The following SOX5 variants were observed in gnomAD, a reference collection of about 807,000 sequenced individuals.
SOX5 encodes SRY-box transcription factor 5.
In SOX5, 9 loss-of-function variants were observed where a neutral mutation model predicts 92.0. The observed-to-expected ratio is 0.10, with a 90% CI of 0.06 to 0.17. The LOEUF (loss-of-function observed/expected upper bound fraction) is 0.17. SOX5 is among the 10% of genes least tolerant of loss of function. The pLI, the probability that SOX5 is intolerant of heterozygous loss-of-function variation, is 1.00. For missense variants in SOX5, 642 were observed against 944.5 expected (o/e 0.68, Z 4.20); for synonymous variants, 344 against 336.3 (o/e 1.02, Z -0.25).
rs115893917 is a variant in SOX5, at chr12:24,409,390, C to T, written c.-250-40751G>A. On this transcript the variant is annotated intron_variant, in intron 1 of 4. Coordinates refer to the SOX5 transcript ENST00000446891. Reference sequence around the variant, plus strand: ...AGGACAGGTCAATAGGTGTAGCAAACCACCACGGCACACATATACCTATGT... The same window carrying T: ...AGGACAGGTCAATAGGTGTAGCAAATCACCACGGCACACATATACCTATGT... 3.5e-3 allele frequency among the ~76,000 whole-genome samples: 531 copies of T among 152,232 alleles called. 2 individuals are homozygous for T. The highest frequency in any genetic ancestry group is 0.012 in the African/African-American group (505 of 41,526).
At chr12:23,629,299 T>G (rs894204382) in intron 8 of SOX5, among the ~76,000 whole-genome samples, 24 of 152,060 alleles carry the variant, frequency 1.6e-4, no homozygotes, top group Admixed American at 1.3e-3. Flanking sequence ...TCTCTTCCTA[T>G]CCTTTTAAAC....
At chr12:24,158,165 T>C (rs1293148555) in intron 4 of SOX5, among the ~76,000 whole-genome samples, 2 of 152,168 alleles carry the variant, frequency 1.3e-5, no homozygotes, top group East Asian at 3.9e-4. Flanking sequence ...ATGTAGGTCA[T>C]ACTAGCATTC....
chr12:23,872,575 A>G (rs1385654622), intron 2 of SOX5, among the ~76,000 whole-genome samples: 1 of 152,024 alleles, frequency 6.6e-6, no homozygotes, highest in Non-Finnish European at 1.5e-5. Context: ...CAGTAAAAAT[A>G]TAAAAAACTA....
At chr12:23,841,299 C>T (rs2096511554) in intron 3 of SOX5, among the ~76,000 whole-genome samples, 1 of 152,016 alleles carries the variant, frequency 6.6e-6, no homozygotes, top group Non-Finnish European at 1.5e-5. Context: ...AATAAACTGA[C>T]AATATCAAAT....
At chr12:24,435,844 A>G (rs1198024747) in intron 1 of SOX5, among the ~76,000 whole-genome samples, 1 of 152,200 alleles carries the variant, frequency 6.6e-6, no homozygotes, top group Non-Finnish European at 1.5e-5. Context: ...TTTCCCAACA[A>G]CATATACTCA....
chr12:24,298,519 G>A (rs1358958567), intron 2 of SOX5, among the ~76,000 whole-genome samples: 2 of 152,150 alleles, frequency 1.3e-5, no homozygotes, highest in Non-Finnish European at 1.5e-5. Context: ...CAATGGAGAT[G>A]AGTAATAGGG....
intron 2 of SOX5, among the ~76,000 whole-genome samples, chr12:24,359,567 G>T (rs1173328088): frequency 6.6e-6 from 1 of 152,208 alleles, no homozygotes; most frequent in Admixed American, 6.5e-5. Flanking sequence ...TTTGGGAAGA[G>T]ATCTGAATAA....
intron 4 of SOX5, among the ~76,000 whole-genome samples, chr12:24,122,024 A>G (rs550983938): frequency 6.6e-6 from 1 of 152,264 alleles, no homozygotes; most frequent in African/African-American, 2.4e-5. Flanking sequence ...CTGATGATTA[A>G]CAACAGAAAC....
chr12:24,440,985 A>G lies in SOX5; in HGVS notation c.-250-72346T>C, dbSNP rs373637877. On this transcript the variant is annotated intron_variant, in intron 1 of 4. Transcript: ENST00000446891. ...GGGTCACATCCCACAGTCAGGGTTC[A>G]TGCATTCTCCTCTTACCAAATAATC... Among the ~76,000 whole-genome samples the G allele has an allele frequency of 3.3e-5, 5 of 152,208 alleles. No individual in the cohort carries two copies. The East Asian group carries it at 9.6e-4, about 29-fold the overall frequency.
chr12:23,953,795 C>G (rs1013817857), upstream of SOX5, among the ~76,000 whole-genome samples: 1 of 151,878 alleles, frequency 6.6e-6, no homozygotes, highest in Non-Finnish European at 1.5e-5. Context: ...CAGAGATGAC[C>G]AAAGTGCAAC....
intron 1 of SOX5, among the ~76,000 whole-genome samples, chr12:24,438,417 AC>A (rs1293041825): frequency 6.6e-6 from 1 of 152,108 alleles, no homozygotes; most frequent in Non-Finnish European, 1.5e-5. Flanking sequence ...GTACCCCAGG[AC>A]TTAAAGTATA....
At chr12:23,574,344 C>A (rs1369146078) in intron 10 of SOX5, among the ~76,000 whole-genome samples, 1 of 152,102 alleles carries the variant, frequency 6.6e-6, no homozygotes, top group Non-Finnish European at 1.5e-5. Context: ...TAGATAGTTC[C>A]TTGTGCTGCA....
intron 4 of SOX5, among the ~76,000 whole-genome samples, chr12:23,995,171 C>A (rs568113903): frequency 2.0e-5 from 3 of 152,196 alleles, no homozygotes; most frequent in African/African-American, 4.8e-5. Flanking sequence ...AATTTGACAA[C>A]AATTAGTGTC....
rs1462217048 is a variant in SOX5, at chr12:23,617,878, G to GT, written c.1018-13346dup. Among the ~76,000 whole-genome samples the GT allele has an allele frequency of 2.0e-5, 3 of 152,174 alleles. No homozygotes were observed. The East Asian group carries it at 5.8e-4, about 29-fold the overall frequency. ...TCATGTAAGAACACCCCAACTGATA[G>GT]TTTCTCTTTCGCTCACTCCCTCCCT... On this transcript the variant is annotated intron_variant, in intron 8 of 14. Transcript: ENST00000451604.
At chr12:23,541,928 T>C (rs1402633205) in intron 13 of SOX5, among the ~76,000 whole-genome samples, 2 of 152,116 alleles carry the variant, frequency 1.3e-5, no homozygotes, top group Admixed American at 6.5e-5. Flanking sequence ...CTGGCCAAAA[T>C]GGTGAAACCC....
At chr12:24,219,947 G>A (rs139922417) in intron 3 of SOX5, among the ~76,000 whole-genome samples, 40 of 152,152 alleles carry the variant, frequency 2.6e-4, no homozygotes, top group African/African-American at 9.6e-4. Context: ...CTTATTATAG[G>A]TGGTAAAACC....
intron 6 of SOX5, among the ~76,000 whole-genome samples, chr12:23,709,148 C>G (rs1158781301): frequency 2.0e-5 from 3 of 152,102 alleles, no homozygotes; most frequent in Non-Finnish European, 4.4e-5. Context: ...GGTGCCCAGG[C>G]TGGAGTGCAG....
intron 4 of SOX5, among the ~76,000 whole-genome samples, chr12:24,088,852 A>C (rs1051997437): frequency 2.0e-5 from 3 of 152,066 alleles, no homozygotes; most frequent in Admixed American, 2.0e-4. Flanking sequence ...AATGAGGAAA[A>C]GTATGATTTT....
At chr12:24,242,720 T>C (rs1486252936) in intron 3 of SOX5, among the ~76,000 whole-genome samples, 1 of 39,756 alleles carries the variant, frequency 2.5e-5, no homozygotes, top group Admixed American at 3.2e-4. Flanking sequence ...CAGGGGGCGG[T>C]GGGGGTGGGT....
Sources: allele counts gnomAD v4.1 joint callset (sites outside exome capture counted in the v4.1 genomes callset), GRCh38; gene constraint gnomAD v4.1.1; transcripts MANE v1.5; gene names NCBI Gene and HGNC (gene_info 2026-07-23, HGNC 2026-07-21).